MCTP1: variants seen among roughly 807,000 people sequenced by gnomAD.
The protein encoded by MCTP1 is multiple C2 and transmembrane domain containing 1.
MCTP1 carries 69 observed loss-of-function variants against 120.6 expected under a neutral mutation model. The ratio of observed to expected loss-of-function variants is 0.57; its 90% CI spans 0.47 to 0.70. The LOEUF is 0.70. Among genes scored for constraint, MCTP1 ranks in the 30% least tolerant of loss-of-function variants. MCTP1 has a pLI of 0.00. For missense variants in MCTP1, 1,203 were observed against 1,248.8 expected, an observed-to-expected ratio of 0.96 and a Z score of 0.55; for synonymous variants, 529 against 493.1, an observed-to-expected ratio of 1.07 and a Z score of -0.96.
intron 19 of MCTP1, among the ~76,000 whole-genome samples, chr5:94,719,009 C>G (rs1047160600): frequency 6.6e-6 from 1 of 152,176 alleles, no homozygotes; most frequent in Admixed American, 6.5e-5. Context: ...GCGTGAGCCA[C>G]TGTGCACAGC....
At chr5:94,894,420 A>G (rs1803406356) in intron 11 of MCTP1, among the ~76,000 whole-genome samples, 1 of 152,232 alleles carries the variant, frequency 6.6e-6, no homozygotes, top group African/African-American at 2.4e-5. Context: ...CTCAGAATCC[A>G]GAATTTGCTC....
At chr5:94,828,059 A>G (rs1787626172) in intron 17 of MCTP1, among the ~76,000 whole-genome samples, 1 of 152,056 alleles carries the variant, frequency 6.6e-6, no homozygotes, top group Admixed American at 6.5e-5. Context: ...TGGAATTTTC[A>G]GCCTTTTTGC....
intron 1 of MCTP1, among the ~76,000 whole-genome samples, chr5:95,120,593 A>G (rs1192537687): frequency 6.6e-6 from 1 of 152,214 alleles, no homozygotes; most frequent in Non-Finnish European, 1.5e-5. Context: ...CCAGATAATC[A>G]TTTCAATTGA....
intron 3 of MCTP1, among the ~76,000 whole-genome samples, chr5:94,949,550 A>G (rs1581514251): frequency 1.3e-5 from 2 of 151,660 alleles, no homozygotes; most frequent in East Asian, 3.9e-4. Context: ...GACAGTTCCA[A>G]GATTTTTTTA....
chr5:95,273,585 T>C (rs373147828), intron 1 of MCTP1, among the ~76,000 whole-genome samples: 1 of 152,358 alleles, frequency 6.6e-6, no homozygotes, highest in South Asian at 2.1e-4. Flanking sequence ...TTATTTACCC[T>C]TTCTTTTGCT....
At chr5:94,824,241 T>G (rs564134978) in intron 17 of MCTP1, among the ~76,000 whole-genome samples, 1 of 152,324 alleles carries the variant, frequency 6.6e-6, no homozygotes, top group Non-Finnish European at 1.5e-5. Flanking sequence ...TTATTCAATG[T>G]TTTTAGCATG....
chr5:95,143,243 A>G (rs1383658343), intron 1 of MCTP1, among the ~76,000 whole-genome samples: 1 of 152,030 alleles, frequency 6.6e-6, no homozygotes, highest in Non-Finnish European at 1.5e-5. Context: ...CTTCTTTCTC[A>G]CCAATAGGCT....
In MCTP1 at chr5:94,707,119, T is replaced by C. The variant is rs1293342606; in HGVS notation, c.*377A>G. 6.4e-6 allele frequency: 1 copy of C among 156,948 alleles called. No homozygotes were observed. The highest frequency in any genetic ancestry group is 2.4e-5 in the African/African-American group (1 of 41,638). The allele number at this position is 156,948 out of a possible 1,614,324, so 9.7% of individuals were successfully genotyped here. Reference sequence around the variant, plus strand: ...AAAAATAGTCGCATTAAAAAAAAACTTTAAAATCAAATCGACATTTACAAT... The same window carrying C: ...AAAAATAGTCGCATTAAAAAAAAACCTTAAAATCAAATCGACATTTACAAT... On this transcript the variant is annotated 3_prime_UTR_variant, in exon 23 of 23. Coordinates refer to ENST00000515393, the MANE Select transcript of MCTP1 (RefSeq NM_024717.7).
At chr5:95,032,642 G>A (rs1840518155) in intron 1 of MCTP1, among the ~76,000 whole-genome samples, 1 of 151,886 alleles carries the variant, frequency 6.6e-6, no homozygotes, top group Admixed American at 6.6e-5. Flanking sequence ...AAGATACAAA[G>A]GTCCCCAATT....
At chr5:95,163,918 G>A (rs1294270552) in intron 1 of MCTP1, among the ~76,000 whole-genome samples, 3 of 152,076 alleles carry the variant, frequency 2.0e-5, no homozygotes, top group Non-Finnish European at 1.5e-5. Flanking sequence ...TTTTAGAAAG[G>A]TATTTCTTTT....
At position 94,941,399 on chromosome 5, in the gene MCTP1, C is replaced by T. The variant is rs1298521938; in HGVS notation, c.1061+949G>A. On this transcript the variant is annotated intron_variant, in intron 4 of 22. Coordinates refer to ENST00000515393, the MANE Select transcript of MCTP1 (RefSeq NM_024717.7). ...GGCTGCTCTTTTGTCCAGTCTGAGGCAACAATGACTATTGGAAGACCAATA... is the reference window on the plus strand; with the variant it reads ...GGCTGCTCTTTTGTCCAGTCTGAGGTAACAATGACTATTGGAAGACCAATA... 2.0e-5 allele frequency among the ~76,000 whole-genome samples: 3 copies of T among 152,056 alleles called. No homozygotes were observed. In the East Asian group the frequency reaches 5.8e-4, roughly 29 times the overall value.
chr5:94,996,458 T>C (rs1003305396), intron 2 of MCTP1, among the ~76,000 whole-genome samples: 1 of 152,210 alleles, frequency 6.6e-6, no homozygotes, highest in Non-Finnish European at 1.5e-5. Flanking sequence ...GGATTGGCTC[T>C]AGGATGCCCC....
At chr5:94,926,901 GA>G (rs1443684794) in intron 6 of MCTP1, among the ~76,000 whole-genome samples, 5 of 152,072 alleles carry the variant, frequency 3.3e-5, no homozygotes, top group Non-Finnish European at 7.4e-5. Flanking sequence ...AAGCATTGTG[GA>G]ATCCATCCTC....
At chr5:95,032,696 C>G (rs180849023) in intron 1 of MCTP1, among the ~76,000 whole-genome samples, 1 of 151,822 alleles carries the variant, frequency 6.6e-6, no homozygotes, top group Non-Finnish European at 1.5e-5. Context: ...CAAGAACAAA[C>G]CAAACCTAAA....
chr5:94,716,503 C>T (rs1404343660), intron 19 of MCTP1, among the ~76,000 whole-genome samples: 1 of 152,110 alleles, frequency 6.6e-6, no homozygotes. Context: ...TCGTCTGCCC[C>T]AACTGTGTGT....
At chr5:94,921,749 A>G (rs1811713216) in intron 7 of MCTP1, among the ~76,000 whole-genome samples, 1 of 152,256 alleles carries the variant, frequency 6.6e-6, no homozygotes, top group Non-Finnish European at 1.5e-5. Flanking sequence ...ATGGCACATC[A>G]GACACAGCAA....
Position 94,934,740 on chromosome 5 carries a change from T to TTA in MCTP1, c.1174-2750_1174-2749insTA, listed in dbSNP as rs1554142503. Among the ~76,000 whole-genome samples the TTA allele has an allele frequency of 3.1e-3, 469 of 150,570 alleles. 5 individuals carry two copies. Among genetic ancestry groups the TTA allele is most frequent in the African/African-American group, 0.011 (438 of 41,078 alleles). ...AAAACTAATCCAAGATAAAGAAGTT[T>TTA]TTTTTTTTTTTTTTTACTCATCAAA... On this transcript the variant is annotated intron_variant, in intron 5 of 22. Transcript: ENST00000515393.
chr5:95,109,455 T>C (rs1757308098), intron 1 of MCTP1, among the ~76,000 whole-genome samples: 1 of 152,182 alleles, frequency 6.6e-6, no homozygotes, highest in South Asian at 2.1e-4. Context: ...TGCTGGCAAT[T>C]TTCTCTTCAT....
chr5:94,885,688 G>A (rs976362921), intron 12 of MCTP1, among the ~76,000 whole-genome samples: 2 of 143,964 alleles, frequency 1.4e-5, no homozygotes, highest in African/African-American at 5.1e-5. Flanking sequence ...CCCAGTGAAC[G>A]CGGGGCCAGA....
Sources: gnomAD v4.1 joint callset for allele counts (sites outside exome capture counted in the v4.1 genomes callset) on GRCh38, gnomAD v4.1.1 for gene constraint, MANE v1.5 for transcripts, NCBI Gene and HGNC (gene_info 2026-07-23, HGNC 2026-07-21) for gene names.